The following PECAM1 variants were observed in gnomAD, a reference collection of about 807,000 sequenced individuals.
The protein encoded by PECAM1 is platelet and endothelial cell adhesion molecule 1, also known as platelet endothelial cell adhesion molecule.
In PECAM1, 8 loss-of-function variants were observed where a neutral mutation model predicts 13.8. The observed-to-expected ratio is 0.58, with a 90% CI of 0.34 to 1.05. PECAM1 has a LOEUF of 1.05. Ranked by LOEUF, PECAM1 falls within the 50% of genes least tolerant of loss-of-function variation. The pLI, the probability that PECAM1 is intolerant of heterozygous loss-of-function variation, is 0.03. For synonymous variants in PECAM1, 136 were observed against 52.6 expected, an observed-to-expected ratio of 2.58 and a Z score of -6.86; for missense variants, 304 against 141.2, an observed-to-expected ratio of 2.15 and a Z score of -5.84.
At chr17:64,325,110 C>T (rs539367714) in intron 15 of PECAM1, among the ~76,000 whole-genome samples, 8 of 152,336 alleles carry the variant, frequency 5.3e-5, no homozygotes, top group African/African-American at 1.4e-4. Context: ...ATTTGCCGGG[C>T]GGGCGCAGTG....
chr17:64,382,825 T>G (rs946946081), intron 2 of PECAM1, among the ~76,000 whole-genome samples: 2 of 151,644 alleles, frequency 1.3e-5, no homozygotes, highest in Non-Finnish European at 2.9e-5. Context: ...TCACTTGAGG[T>G]CAGGAGTTCG....
intron 13 of PECAM1, among the ~76,000 whole-genome samples, chr17:64,345,585 C>CCTGT (rs56129331): frequency 5.9e-5 from 9 of 151,640 alleles, no homozygotes; most frequent in Non-Finnish European, 1.2e-4. Flanking sequence ...TGGTGGTGGG[C>CCTGT]GCCTGTAACC....
At position 64,322,058 on chromosome 17, in the gene PECAM1, C is replaced by G. The variant is rs755302889; in HGVS notation, c.*1758G>C. 8.7e-7 allele frequency: 1 copy of G among 1,148,310 alleles called. No individual in the cohort carries two copies. Among genetic ancestry groups the G allele is most frequent in the Non-Finnish European group, 1.1e-6 (1 of 913,206 alleles). 71.1% of individuals were successfully genotyped at this position (1,148,310 alleles called of 1,614,324 possible). A position where few individuals can be genotyped will look rare whatever the true frequency, so the allele number is the denominator to read the frequency against. ...TGTGTGTGTTGGGGAAAGGAACCAA[C>G]AGCTTTCATCATATTGTCAAAAGAG... On this transcript the variant is annotated 3_prime_UTR_variant, in exon 16 of 16. Coordinates refer to ENST00000563924, the MANE Select transcript of PECAM1 (RefSeq NM_000442.5).
chr17:64,384,347 C>T (rs34529446), intron 2 of PECAM1, among the ~76,000 whole-genome samples: 30 of 152,140 alleles, frequency 2.0e-4, no homozygotes, highest in Non-Finnish European at 1.5e-5. Flanking sequence ...GTTTTTACCG[C>T]CACAACCACC....
intron 14 of PECAM1, among the ~76,000 whole-genome samples, chr17:64,331,632 G>A (rs1394935614): frequency 1.3e-5 from 2 of 152,234 alleles, no homozygotes; most frequent in African/African-American, 4.8e-5. Context: ...ATAGGTGGTG[G>A]GTGATCCCTG....
chr17:64,378,936 G>T (rs1249898912), intron 2 of PECAM1: 1 of 152,432 alleles, frequency 6.6e-6, no homozygotes, highest in Admixed American at 6.5e-5. Flanking sequence ...AAACCAGATG[G>T]TCGTGCCCAG....
At chr17:64,364,727 A>T (rs1486899484) in intron 5 of PECAM1, among the ~76,000 whole-genome samples, 67 of 152,094 alleles carry the variant, frequency 4.4e-4, no homozygotes, top group African/African-American at 1.5e-3. Flanking sequence ...AAACCACATG[A>T]TTATCTCAAT....
chr17:64,351,477 C>T, intron 11 of PECAM1, among the ~76,000 whole-genome samples: 1 of 152,250 alleles, frequency 6.6e-6, no homozygotes, highest in East Asian at 1.9e-4. Flanking sequence ...GTAATCCCAG[C>T]ACTTTGGGAG....
At chr17:64,358,460 A>G (rs2035898174) in intron 7 of PECAM1, among the ~76,000 whole-genome samples, 1 of 152,092 alleles carries the variant, frequency 6.6e-6, no homozygotes, top group Non-Finnish European at 1.5e-5. Context: ...CTTTTGGCTC[A>G]TGTGTTTGCT....
Position 64,335,621 on chromosome 17 carries a change from C to T in PECAM1, c.2165-5899G>A, listed in dbSNP as rs901724606. On this transcript the variant is annotated intron_variant, in intron 14 of 15. Transcript: ENST00000563924. ...CCCCCTGGGTTCAGTCCTTGCTCTG[C>T]CACTGGCTGTGGAACAAGGACAAAT... 2.7e-3 allele frequency among the ~76,000 whole-genome samples: 410 copies of T among 152,312 alleles called. 1 individual carries two copies. The highest frequency in any genetic ancestry group is 9.4e-3 in the African/African-American group (389 of 41,572).
intron 13 of PECAM1, among the ~76,000 whole-genome samples, chr17:64,347,726 T>TTA (rs1225163933): frequency 0.012 from 1,643 of 140,736 alleles, 16 homozygotes; most frequent in Non-Finnish European, 0.017. Flanking sequence ...ATTATATATT[T>TTA]TATATATATA....
chr17:64,346,714 C>A (rs1476113602), intron 13 of PECAM1, among the ~76,000 whole-genome samples: 5 of 152,278 alleles, frequency 3.3e-5, no homozygotes, highest in Admixed American at 3.3e-4. Flanking sequence ...GCCCACTCTG[C>A]ATCCATTTCC....
At chr17:64,369,029 C>T (rs1317747307) in intron 5 of PECAM1, among the ~76,000 whole-genome samples, 3 of 147,900 alleles carry the variant, frequency 2.0e-5, no homozygotes, top group South Asian at 4.3e-4. Flanking sequence ...CTCTGCCTCC[C>T]GGGTTCAAGA....
At position 64,321,116 on chromosome 17, in the gene PECAM1, T is replaced by G. The variant is rs1374591846; in HGVS notation, c.*2700A>C. 1 of 152,112 alleles carries G rather than the reference T, an allele frequency of 6.6e-6. No individual in the cohort carries two copies. The highest frequency in any genetic ancestry group is 1.5e-5 in the Non-Finnish European group (1 of 68,044). The allele number at this position is 152,112 out of a possible 1,614,324, so 9.4% of individuals were successfully genotyped here. A position where few individuals can be genotyped will look rare whatever the true frequency, so the allele number is the denominator to read the frequency against. On this transcript the variant is annotated 3_prime_UTR_variant, in exon 16 of 16. Coordinates refer to ENST00000563924, the MANE Select transcript of PECAM1 (RefSeq NM_000442.5). ...CAGAGAACGCTGATGGGGCGACCAG[T>G]ATATGCTCATGAAATGGGTGGCTGA...
At chr17:64,361,753 C>CAAAAAAAAAAAA (rs61144320) in intron 6 of PECAM1, among the ~76,000 whole-genome samples, 20 of 68,102 alleles carry the variant, frequency 2.9e-4, no homozygotes, top group South Asian at 7.9e-4. Context: ...AACTCCATCT[C>CAAAAAAAAAAAA]AAAAAAAAAA....
intron 14 of PECAM1, among the ~76,000 whole-genome samples, chr17:64,331,741 C>G (rs1410824165): frequency 6.6e-6 from 1 of 152,256 alleles, no homozygotes; most frequent in Non-Finnish European, 1.5e-5. Context: ...GGTCAGTGGC[C>G]CACATGCTGG....
At chr17:64,347,542 A>AT (rs1399809221) in intron 13 of PECAM1, among the ~76,000 whole-genome samples, 8 of 127,960 alleles carry the variant, frequency 6.3e-5, no homozygotes, top group African/African-American at 3.4e-4. Flanking sequence ...AAAGAAAAAA[A>AT]AAATATATAT....
chr17:64,390,218 C>G (rs2036686460), intron 2 of PECAM1: 1 of 381,148 alleles, frequency 2.6e-6, no homozygotes, highest in African/African-American at 2.1e-5. Context: ...TGATCTGTAA[C>G]TGACTAAACA....
chr17:64,342,160 A>AG (rs2035449712), intron 13 of PECAM1, among the ~76,000 whole-genome samples: 18 of 84,952 alleles, frequency 2.1e-4, no homozygotes, highest in Admixed American at 6.2e-4. Context: ...AAAAAAAAAA[A>AG]AAAGAAGAAG....
Sources: gnomAD v4.1 joint callset for allele counts (sites outside exome capture counted in the v4.1 genomes callset) on GRCh38, gnomAD v4.1.1 for gene constraint, MANE v1.5 for transcripts, NCBI Gene and HGNC (gene_info 2026-07-23, HGNC 2026-07-21) for gene names.